FRMD6: variants seen among roughly 807,000 people sequenced by gnomAD.
FRMD6 encodes FERM domain-containing protein 6.
In FRMD6, 37 loss-of-function variants were observed where a neutral mutation model predicts 73.2. That is an observed-to-expected ratio of 0.51 (90% CI 0.39 to 0.66). FRMD6 has a LOEUF of 0.66. Among genes scored for constraint, FRMD6 ranks in the 30% least tolerant of loss-of-function variants. FRMD6 has a pLI of 0.00. For missense variants in FRMD6, 714 were observed against 780.5 expected (o/e 0.91, Z 1.02); for synonymous variants, 273 against 282.2 (o/e 0.97, Z 0.33).
At chr14:51,469,322 G>A in the FRMD6 span, among the ~76,000 whole-genome samples, 2 of 150,128 alleles carry the variant, frequency 1.3e-5, no homozygotes, top group African/African-American at 2.4e-5. Context: ...AATAAAATGT[G>A]CTTTGTCATG....
At chr14:51,403,758 A>T in the FRMD6 span, among the ~76,000 whole-genome samples, 1 of 152,200 alleles carries the variant, frequency 6.6e-6, no homozygotes, top group Non-Finnish European at 1.5e-5. Context: ...TTTTACAAGT[A>T]CCTGTAGTTC....
chr14:51,722,754 ACAT>A (rs1197860296), intron 12 of FRMD6, among the ~76,000 whole-genome samples: 1 of 152,362 alleles, frequency 6.6e-6, no homozygotes, highest in African/African-American at 2.4e-5. Flanking sequence ...CTTTTGTCAC[ACAT>A]CATGAATCAG....
chr14:51,452,966 C>T, the FRMD6 span, among the ~76,000 whole-genome samples: 26,456 of 152,078 alleles, frequency 0.17, 2,623 homozygotes, highest in Middle Eastern at 0.26. Context: ...AGGTTGCTTC[C>T]AGGGAGAACG....
At chr14:51,413,011 A>T in the FRMD6 span, among the ~76,000 whole-genome samples, 1,570 of 108,564 alleles carry the variant, frequency 0.014, 23 homozygotes, top group African/African-American at 0.037. Flanking sequence ...TTTTTTTTTG[A>T]GATGGAGTCT....
At chr14:51,558,624 T>G (rs1295587268) in intron 1 of FRMD6, among the ~76,000 whole-genome samples, 2 of 152,130 alleles carry the variant, frequency 1.3e-5, no homozygotes, top group Non-Finnish European at 2.9e-5. Context: ...AATTATATAA[T>G]TACATGCCTT....
intron 2 of FRMD6, among the ~76,000 whole-genome samples, chr14:51,627,318 T>C (rs1003107225): frequency 2.6e-5 from 4 of 152,216 alleles, no homozygotes; most frequent in African/African-American, 4.8e-5. Flanking sequence ...CAACTTCTTA[T>C]GTATGTTTGT....
At position 51,514,577 on chromosome 14, in the gene FRMD6, G is replaced by A. The variant is rs546567977; in HGVS notation, c.-210+25157G>A. ...TAAGACTACAATTGGGCCAGGTGCCGTGGCTCGTGCCTATAATCCCAGCAC... is the reference window on the plus strand; with the variant it reads ...TAAGACTACAATTGGGCCAGGTGCCATGGCTCGTGCCTATAATCCCAGCAC... On this transcript the variant is annotated intron_variant, in intron 1 of 14. Transcript: ENST00000356218. Among the ~76,000 whole-genome samples, 27 of 152,288 alleles carry A rather than the reference G, an allele frequency of 1.8e-4. 1 individual carries two copies. The South Asian group carries it at 4.8e-3, about 27-fold the overall frequency.
chr14:51,468,176 A>G, the FRMD6 span, among the ~76,000 whole-genome samples: 1 of 151,896 alleles, frequency 6.6e-6, no homozygotes, highest in African/African-American at 2.4e-5. Context: ...CTGCAATCCC[A>G]GGCACTCGGC....
chr14:51,511,892 A>G (rs1244860186), intron 1 of FRMD6, among the ~76,000 whole-genome samples: 1 of 151,966 alleles, frequency 6.6e-6, no homozygotes, highest in Non-Finnish European at 1.5e-5. Flanking sequence ...AATAATAATA[A>G]AGAAATAACA....
At chr14:51,445,230 A>C in the FRMD6 span, among the ~76,000 whole-genome samples, 1 of 152,032 alleles carries the variant, frequency 6.6e-6, no homozygotes, top group Non-Finnish European at 1.5e-5. Context: ...ATCCTGGTCT[A>C]TAGGGGCTGC....
chr14:51,461,216 A>C, the FRMD6 span, among the ~76,000 whole-genome samples: 1 of 152,246 alleles, frequency 6.6e-6, no homozygotes, highest in African/African-American at 2.4e-5. Context: ...TTCTCAGTCC[A>C]GGAATTACAG....
intron 1 of FRMD6, among the ~76,000 whole-genome samples, chr14:51,492,181 A>C (rs924334388): frequency 6.6e-6 from 1 of 152,156 alleles, no homozygotes; most frequent in Non-Finnish European, 1.5e-5. Context: ...GTTTCAGCTA[A>C]TATATTCCCC....
intron 1 of FRMD6, among the ~76,000 whole-genome samples, chr14:51,684,018 C>T (rs1170731530): frequency 3.9e-5 from 6 of 152,088 alleles, no homozygotes; most frequent in African/African-American, 1.2e-4. Context: ...TGATAGATGT[C>T]AACTACTTTC....
chr14:51,555,002 T>C (rs1887048651), intron 1 of FRMD6, among the ~76,000 whole-genome samples: 1 of 152,216 alleles, frequency 6.6e-6, no homozygotes, highest in Admixed American at 6.5e-5. Flanking sequence ...AGACATAAAG[T>C]TGGTTTTTAA....
At chr14:51,632,074 A>G (rs1215362983) in intron 2 of FRMD6, among the ~76,000 whole-genome samples, 5 of 152,190 alleles carry the variant, frequency 3.3e-5, no homozygotes, top group African/African-American at 1.2e-4. Context: ...CCCTCACACT[A>G]TTCTTGTGCT....
chr14:51,685,319 A>G (rs1274783465), intron 1 of FRMD6, among the ~76,000 whole-genome samples: 1 of 152,168 alleles, frequency 6.6e-6, no homozygotes, highest in African/African-American at 2.4e-5. Context: ...TGATTACCCT[A>G]TATGAGATAG....
chr14:51,720,508 G>A lies in FRMD6; in HGVS notation c.1360+118G>A, dbSNP rs1897491929. ...AGGCAGTAGTAATAAAGTGGAAGAG[G>A]TGTCTTGTTGTCTTCCCCAATGACT... On this transcript the variant is annotated intron_variant, in intron 11 of 13. Coordinates refer to ENST00000344768, the MANE Select transcript of FRMD6 (RefSeq NM_001267046.2). The A allele has an allele frequency of 2.2e-5, 19 of 849,036 alleles. No individual in the cohort carries two copies. In the South Asian group the frequency reaches 3.2e-4, roughly 14 times the overall value. 52.6% of individuals were successfully genotyped at this position (849,036 alleles called of 1,614,324 possible).
At chr14:51,624,649 G>T (rs752899102) in intron 2 of FRMD6, among the ~76,000 whole-genome samples, 1 of 152,080 alleles carries the variant, frequency 6.6e-6, no homozygotes, top group African/African-American at 2.4e-5. Flanking sequence ...CCTCTGTAAG[G>T]CTCTGCTTAG....
chr14:51,704,943 C>T lies in FRMD6; in HGVS notation c.558+8C>T. Reference sequence around the variant, plus strand: ...GCTTACTTCCCATCTTGGGTAAGCACTGTTTTCAAATTCGAAAGAGTGTTT... The same window carrying T: ...GCTTACTTCCCATCTTGGGTAAGCATTGTTTTCAAATTCGAAAGAGTGTTT... On this transcript the variant is annotated splice_region_variant and intron_variant, in intron 6 of 13. Transcript: ENST00000344768. 1.3e-6 allele frequency: 2 copies of T among 1,591,852 alleles called. No individual in the cohort carries two copies. The highest frequency in any genetic ancestry group is 1.7e-6 in the Non-Finnish European group (2 of 1,163,952).
Sources: allele counts gnomAD v4.1 joint callset (sites outside exome capture counted in the v4.1 genomes callset), GRCh38; gene constraint gnomAD v4.1.1; transcripts MANE v1.5; gene names NCBI Gene and HGNC (gene_info 2026-07-23, HGNC 2026-07-21).